Variants in NPFFR2 observed in about 807,000 individuals in gnomAD.
The protein encoded by NPFFR2 is neuropeptide FF receptor 2, also known as G-protein coupled receptor 74.
A neutral mutation model predicts 13.1 loss-of-function variants in NPFFR2; 15 were observed. The observed-to-expected ratio is 1.15, with a 90% CI of 0.77 to 1.76. The LOEUF is 1.76. NPFFR2 is among the 40% of genes most tolerant of loss of function. The pLI, the probability that NPFFR2 is intolerant of heterozygous loss-of-function variation, is 0.00. For missense variants in NPFFR2, 572 were observed against 503.5 expected (o/e 1.14, Z -1.30); for synonymous variants, 190 against 175.7 (o/e 1.08, Z -0.65).
At chr4:72,047,162 T>C (rs1424687529) in intron 1 of NPFFR2, among the ~76,000 whole-genome samples, 1 of 135,746 alleles carries the variant, frequency 7.4e-6, no homozygotes, top group Non-Finnish European at 1.6e-5. Context: ...ATTCACAGCC[T>C]GGTTATGTAA....
intron 1 of NPFFR2, among the ~76,000 whole-genome samples, chr4:72,066,059 T>C (rs1332443276): frequency 6.6e-6 from 1 of 152,174 alleles, no homozygotes. Flanking sequence ...AGAACAGAAA[T>C]TTGTTTTCCC....
chr4:72,044,821 C>A (rs1340012775), intron 1 of NPFFR2, among the ~76,000 whole-genome samples: 2 of 151,950 alleles, frequency 1.3e-5, no homozygotes, highest in Non-Finnish European at 2.9e-5. Context: ...GAATAGTTTA[C>A]AATTATTTTC....
chr4:72,122,362 A>T (rs1721908028), intron 1 of NPFFR2, among the ~76,000 whole-genome samples: 1 of 151,988 alleles, frequency 6.6e-6, no homozygotes, highest in South Asian at 2.1e-4. Context: ...AAGTTAACAA[A>T]AATATTCAGG....
intron 1 of NPFFR2, among the ~76,000 whole-genome samples, chr4:72,114,186 A>G (rs1248699258): frequency 6.6e-6 from 1 of 152,092 alleles, no homozygotes; most frequent in African/African-American, 2.4e-5. Flanking sequence ...GCATAAATAT[A>G]AAATTCATTG....
rs1169506886 is a variant in NPFFR2 at position 72,086,467 on chromosome 4, AT to A, written c.-7-42117del. 3.3e-5 allele frequency among the ~76,000 whole-genome samples: 5 copies of A among 152,218 alleles called. No individual in the cohort carries two copies. The East Asian group carries it at 9.6e-4, about 29-fold the overall frequency. ...AGTGCTCTATTTAGAACCTCTTAGA[AT>A]GTAAGCTAGCAAACTGACAATTAAA... On this transcript the variant is annotated intron_variant, in intron 1 of 3. Transcript: ENST00000308744.
At chr4:72,074,613 G>A (rs964219417) in intron 1 of NPFFR2, among the ~76,000 whole-genome samples, 1 of 151,902 alleles carries the variant, frequency 6.6e-6, no homozygotes, top group Non-Finnish European at 1.5e-5. Context: ...ATCCCCTATG[G>A]GTAAAGGGGG....
At chr4:72,094,876 G>C (rs1721017133) in intron 1 of NPFFR2, among the ~76,000 whole-genome samples, 1 of 152,146 alleles carries the variant, frequency 6.6e-6, no homozygotes, top group Non-Finnish European at 1.5e-5. Flanking sequence ...TTGGAGAAAA[G>C]GTTCACAATT....
At chr4:72,097,319 C>A (rs538855317) in intron 1 of NPFFR2, among the ~76,000 whole-genome samples, 2 of 151,982 alleles carry the variant, frequency 1.3e-5, no homozygotes, top group African/African-American at 4.8e-5. Context: ...AGACTTTATG[C>A]CTTTTTAAAT....
chr4:72,050,824 T>C (rs1253412579), intron 1 of NPFFR2, among the ~76,000 whole-genome samples: 2 of 149,186 alleles, frequency 1.3e-5, no homozygotes, highest in African/African-American at 4.9e-5. Flanking sequence ...CCATGTGTTC[T>C]CATTGTTCAA....
chr4:72,042,067 T>C (rs1000543052), intron 1 of NPFFR2, among the ~76,000 whole-genome samples: 1 of 152,204 alleles, frequency 6.6e-6, no homozygotes, highest in African/African-American at 2.4e-5. Context: ...TGGCCAATAA[T>C]ATGGCTTGGC....
chr4:72,040,082 A>G (rs1221543194), intron 1 of NPFFR2, among the ~76,000 whole-genome samples: 1 of 152,176 alleles, frequency 6.6e-6, no homozygotes, highest in Non-Finnish European at 1.5e-5. Flanking sequence ...TATTGTAATT[A>G]TTAATGCTTA....
intron 1 of NPFFR2, among the ~76,000 whole-genome samples, chr4:72,080,538 C>G (rs1560405018): frequency 6.6e-6 from 1 of 152,084 alleles, no homozygotes; most frequent in Non-Finnish European, 1.5e-5. Context: ...TTTCATGGAC[C>G]TGCAGCTTTG....
rs554381706 is a variant in NPFFR2, at chr4:72,147,958, A to T, written c.*146A>T. On this transcript the variant is annotated 3_prime_UTR_variant, in exon 4 of 4. Transcript: ENST00000308744. The stretch of plus-strand genomic sequence containing the variant: ...CCTCTCTGGCAAAAAAATTAAAAAT[A>T]AACAAAAATGGTCATAAGATCATAA... 4.0e-4 allele frequency: 241 copies of T among 596,716 alleles called. 2 individuals are homozygous for T. In the Middle Eastern group the frequency reaches 5.4e-3, roughly 13 times the overall value. The allele number at this position is 596,716 out of a possible 1,614,324, so 37.0% of individuals were successfully genotyped here.
chr4:72,073,675 T>G (rs2109786276), intron 1 of NPFFR2, among the ~76,000 whole-genome samples: 1 of 152,182 alleles, frequency 6.6e-6, no homozygotes, highest in South Asian at 2.1e-4. Context: ...TATTAAAATT[T>G]ATTAGTTTAT....
intron 1 of NPFFR2, among the ~76,000 whole-genome samples, chr4:72,053,741 A>G (rs1200799999): frequency 6.6e-6 from 1 of 151,838 alleles, no homozygotes; most frequent in Non-Finnish European, 1.5e-5. Context: ...AGACAGTTTT[A>G]GTTCCTTCTT....
intron 1 of NPFFR2, among the ~76,000 whole-genome samples, chr4:72,112,713 T>G (rs901910194): frequency 1.3e-5 from 2 of 151,870 alleles, no homozygotes; most frequent in African/African-American, 4.8e-5. Context: ...TGTCTCACAA[T>G]GAGTCATGTT....
chr4:72,092,411 A>C (rs1449554079), intron 1 of NPFFR2, among the ~76,000 whole-genome samples: 1 of 152,010 alleles, frequency 6.6e-6, no homozygotes, highest in Non-Finnish European at 1.5e-5. Flanking sequence ...TGTCTTGATG[A>C]CCTGTCTAGT....
intron 1 of NPFFR2, among the ~76,000 whole-genome samples, chr4:72,077,681 A>G (rs1316067444): frequency 6.6e-6 from 1 of 152,138 alleles, no homozygotes; most frequent in Non-Finnish European, 1.5e-5. Context: ...TCCTTAAATA[A>G]GAGCTTCATC....
intron 1 of NPFFR2, among the ~76,000 whole-genome samples, chr4:72,061,959 C>T (rs1719933067): frequency 6.6e-6 from 1 of 151,776 alleles, no homozygotes; most frequent in Non-Finnish European, 1.5e-5. Context: ...ATAATAAATA[C>T]ATAAGGACAG....
Sources: gnomAD v4.1 joint callset for allele counts (sites outside exome capture counted in the v4.1 genomes callset) on GRCh38, gnomAD v4.1.1 for gene constraint, MANE v1.5 for transcripts, NCBI Gene and HGNC (gene_info 2026-07-23, HGNC 2026-07-21) for gene names.